ANKRD30B: variants seen among roughly 807,000 people sequenced by gnomAD.
ANKRD30B encodes ankyrin repeat domain-containing protein 30B.
A neutral mutation model predicts 202.2 loss-of-function variants in ANKRD30B; 144 were observed. That is an observed-to-expected ratio of 0.71 (90% CI 0.62 to 0.82). The LOEUF (loss-of-function observed/expected upper bound fraction) is 0.82. ANKRD30B is among the 40% of genes least tolerant of loss of function. The probability of loss-of-function intolerance (pLI) is 0.00; values close to 1 mark genes in which losing one functional copy is unlikely to be tolerated. For missense variants in ANKRD30B, 1,487 were observed against 1,669.1 expected, an observed-to-expected ratio of 0.89 and a Z score of 1.90; for synonymous variants, 508 against 561.3, an observed-to-expected ratio of 0.91 and a Z score of 1.34.
At chr18:14,821,876 CA>C (rs1970441960) in intron 30 of ANKRD30B, among the ~76,000 whole-genome samples, 1 of 152,078 alleles carries the variant, frequency 6.6e-6, no homozygotes. Context: ...CACAGAGGTT[CA>C]AAAATAAATA....
chr18:14,837,066 T>A (rs553019195), intron 34 of ANKRD30B, 145 bp from the exon 35 acceptor site: 30 of 569,094 alleles, frequency 5.3e-5, no homozygotes, highest in Non-Finnish European at 7.6e-5. Flanking sequence ...CCCAGGATAG[T>A]GCCTATGATT....
At position 14,752,872 on chromosome 18, in the gene ANKRD30B, A is replaced by T. The variant is rs778472408; in HGVS notation, c.370A>T (p.Ile124Phe). The T allele has an allele frequency of 1.4e-5, 22 of 1,610,100 alleles. No individual in the cohort carries two copies. In the South Asian group the frequency reaches 2.3e-4, roughly 17 times the overall value. ...ATGCGAGAGGGAGGCTTGTGCAAAT[A>T]TTCTCATAGATGCTGGTGCTGATCT... Reference protein sequence around the residue: ...LQCEREACANILIDAGADLNY... With the variant: ...LQCEREACANFLIDAGADLNY... The change falls in exon 3 of 44, where the codon ATT becomes TTT. Residue 124 changes from isoleucine to phenylalanine, a missense_variant. By Grantham distance (21) the Ile-to-Phe change is conservative (BLOSUM62 0). This residue lies in a region of ANKRD30B where 889 missense variants were observed against 841.4 expected (regional missense o/e 1.06). Coordinates refer to ENST00000690538, the MANE Select transcript of ANKRD30B (RefSeq NM_001367607.2).
At chr18:14,824,432 C>G (rs894383969) in intron 32 of ANKRD30B, among the ~76,000 whole-genome samples, 2 of 148,494 alleles carry the variant, frequency 1.3e-5, no homozygotes, top group Non-Finnish European at 3.0e-5. Flanking sequence ...TACCTCACTA[C>G]CCCCTCTGCC....
chr18:14,825,537 C>A (rs1237122599), intron 32 of ANKRD30B, among the ~76,000 whole-genome samples: 2 of 151,634 alleles, frequency 1.3e-5, no homozygotes, highest in Non-Finnish European at 2.9e-5. Flanking sequence ...CTCCACATTC[C>A]CTAGATATTT....
Position 14,852,610 on chromosome 18 carries a change from G to A in ANKRD30B, c.4476+190G>A, listed in dbSNP as rs979772546. The A allele has an allele frequency of 1.5e-5, 10 of 675,082 alleles. No homozygotes were observed. In the African/African-American group the frequency reaches 1.9e-4, roughly 13 times the overall value. 41.8% of individuals were successfully genotyped at this position (675,082 alleles called of 1,614,324 possible). On this transcript the variant is annotated intron_variant, in intron 42 of 43. Coordinates refer to ENST00000690538, the MANE Select transcript of ANKRD30B (RefSeq NM_001367607.2). ...AAGAGACGTTTTACTTTGAGTAAAG[G>A]TATTGTGTCACTGATGAAATTATAA...
At chr18:14,787,855 G>A (rs904447522) in intron 15 of ANKRD30B, among the ~76,000 whole-genome samples, 11 of 152,150 alleles carry the variant, frequency 7.2e-5, no homozygotes, top group African/African-American at 2.7e-4. Context: ...AAGGGTTGAA[G>A]TCCATAGAGA....
intron 24 of ANKRD30B, chr18:14,808,228 A>G (rs1969650265): frequency 2.9e-6 from 1 of 343,320 alleles, no homozygotes; most frequent in African/African-American, 2.2e-5. Flanking sequence ...TCATCTTAAT[A>G]AATTCAACTT....
intron 30 of ANKRD30B, among the ~76,000 whole-genome samples, chr18:14,815,523 G>A (rs144588563): frequency 2.0e-5 from 3 of 152,012 alleles, no homozygotes; most frequent in African/African-American, 7.2e-5. Context: ...TGGATAGAGG[G>A]TCAAAAGGAG....
At chr18:14,856,262 C>T (rs1243329770), downstream of ANKRD30B, among the ~76,000 whole-genome samples, 4 of 131,050 alleles carry the variant, frequency 3.1e-5, no homozygotes, top group Admixed American at 1.5e-4. Flanking sequence ...CTCCTCACTT[C>T]CCAGATGGGG....
chr18:14,885,315 G>T, the ANKRD30B span, among the ~76,000 whole-genome samples: 1 of 152,028 alleles, frequency 6.6e-6, no homozygotes, highest in East Asian at 1.9e-4. Context: ...AAATGGCAGT[G>T]GGGTAGGGAT....
At chr18:14,750,208 T>A (rs1253130417) in intron 1 of ANKRD30B, among the ~76,000 whole-genome samples, 1 of 152,258 alleles carries the variant, frequency 6.6e-6, no homozygotes, top group African/African-American at 2.4e-5. Flanking sequence ...GAATTAAAAA[T>A]CTTCCTTTTA....
At chr18:14,931,230 G>A in the ANKRD30B span, among the ~76,000 whole-genome samples, 2 of 152,198 alleles carry the variant, frequency 1.3e-5, no homozygotes, top group Non-Finnish European at 2.9e-5. Context: ...AGAGACTTTA[G>A]AGGCTCTTTA....
intron 24 of ANKRD30B, among the ~76,000 whole-genome samples, chr18:14,807,283 C>G (rs1568032601): frequency 6.6e-6 from 1 of 150,772 alleles, no homozygotes; most frequent in African/African-American, 2.5e-5. Context: ...ATTTCTATGT[C>G]AAAGAAATGT....
chr18:14,809,167 A>G (rs1326225275), intron 26 of ANKRD30B, among the ~76,000 whole-genome samples: 1 of 150,612 alleles, frequency 6.6e-6, no homozygotes, highest in African/African-American at 2.5e-5. Context: ...TGAGGGATTT[A>G]GGGTCATTTG....
the ANKRD30B span, among the ~76,000 whole-genome samples, chr18:14,924,653 T>G: frequency 5.7e-4 from 87 of 152,248 alleles, no homozygotes; most frequent in African/African-American, 2.0e-3. Flanking sequence ...ATGAGGGCCC[T>G]GGGCTACAGA....
chr18:14,756,455 T>A (rs1011990038), intron 4 of ANKRD30B, among the ~76,000 whole-genome samples: 1 of 152,182 alleles, frequency 6.6e-6, no homozygotes, highest in Admixed American at 6.5e-5. Context: ...TTGCTTTTGG[T>A]GTTTTAGATG....
chr18:14,748,775 C>T (rs1598551497), intron 1 of ANKRD30B, 135 bp downstream of exon 1: 1 of 982,532 alleles, frequency 1.0e-6, no homozygotes, highest in East Asian at 2.7e-5. Flanking sequence ...GGGCGGCCGT[C>T]CTGGGCCCCG....
the ANKRD30B span, among the ~76,000 whole-genome samples, chr18:14,866,998 T>G: frequency 7.4e-6 from 1 of 134,812 alleles, no homozygotes. Flanking sequence ...TTAGGGGAGC[T>G]GTCAAATGTT....
the ANKRD30B span, among the ~76,000 whole-genome samples, chr18:14,878,641 G>A: frequency 1.3e-3 from 195 of 152,250 alleles, 1 homozygote; most frequent in Non-Finnish European, 1.6e-3. Context: ...AAGGGCAGCC[G>A]TTCCCTTTAT....
Sources: gnomAD v4.1 joint callset for allele counts (sites outside exome capture counted in the v4.1 genomes callset) on GRCh38, gnomAD v4.1.1 for gene constraint, gnomAD v4.1.1 regional missense constraint, MANE v1.5 for transcripts, NCBI Gene and HGNC (gene_info 2026-07-23, HGNC 2026-07-21) for gene names.